CHST8: variants seen among roughly 807,000 people sequenced by gnomAD.
CHST8 encodes the protein GALNAC-4-ST1.
CHST8 carries 10 observed loss-of-function variants against 15.0 expected under a neutral mutation model. The observed-to-expected ratio is 0.67, with a 90% confidence interval of 0.41 to 1.13. CHST8 has a LOEUF of 1.13. Among genes scored for constraint, CHST8 ranks in the 50% most tolerant of loss-of-function variants. CHST8 has a pLI of 0.00. For missense variants in CHST8, 634 were observed against 608.2 expected (o/e 1.04, Z -0.45); for synonymous variants, 259 against 256.6 (o/e 1.01, Z -0.09).
chr19:33,661,648 G>A (rs1380988637), intron 1 of CHST8, among the ~76,000 whole-genome samples: 9 of 152,158 alleles, frequency 5.9e-5, no homozygotes, highest in African/African-American at 2.2e-4. Flanking sequence ...CCACTGCACG[G>A]GGGACCCTTG....
At chr19:33,648,466 T>C (rs1311514892) in intron 1 of CHST8, among the ~76,000 whole-genome samples, 1 of 152,216 alleles carries the variant, frequency 6.6e-6, no homozygotes, top group African/African-American at 2.4e-5. Flanking sequence ...GGACATTTCA[T>C]GTCAATTGAA....
chr19:33,650,285 G>T (rs1000646165), intron 1 of CHST8, among the ~76,000 whole-genome samples: 1 of 152,050 alleles, frequency 6.6e-6, no homozygotes. Flanking sequence ...CCAAGAGGGG[G>T]ACTGTTTATT....
At chr19:33,650,802 G>A (rs577019907) in intron 1 of CHST8, among the ~76,000 whole-genome samples, 17 of 151,214 alleles carry the variant, frequency 1.1e-4, no homozygotes, top group South Asian at 4.2e-4. Flanking sequence ...TTCGCCTCCC[G>A]GGTTCAAGCG....
intron 2 of CHST8, among the ~76,000 whole-genome samples, chr19:33,668,742 G>A (rs530034700): frequency 2.1e-4 from 32 of 152,196 alleles, no homozygotes; most frequent in African/African-American, 7.5e-4. Flanking sequence ...ATCTTTTCCT[G>A]GGGGTAGAGC....
rs1414471853 is a variant in CHST8, at chr19:33,716,587, C to T, written c.130+27196C>T. ...CTTACTCTGTTGCCCAGGCTGATCT[C>T]GAACTCCTGGGCTGAAGCGATCCTC... is the stretch of plus-strand genomic sequence containing the variant. On this transcript the variant is annotated intron_variant, in intron 3 of 4. Coordinates refer to ENST00000650847, the MANE Select transcript of CHST8 (RefSeq NM_001127895.2). 2.0e-5 allele frequency among the ~76,000 whole-genome samples: 3 copies of T among 152,092 alleles called. No individual in the cohort carries two copies. The East Asian group carries it at 5.8e-4, about 29-fold the overall frequency.
chr19:33,690,804 G>A (rs1568329617), intron 3 of CHST8, among the ~76,000 whole-genome samples: 1 of 152,344 alleles, frequency 6.6e-6, no homozygotes, highest in South Asian at 2.1e-4. Context: ...GGCAGAACAG[G>A]GCCCCTCGGG....
chr19:33,751,687 C>T (rs1467059335), intron 3 of CHST8, among the ~76,000 whole-genome samples: 1 of 152,214 alleles, frequency 6.6e-6, no homozygotes, highest in East Asian at 1.9e-4. Flanking sequence ...ACAGCTCGGG[C>T]CTGGACCCAC....
At chr19:33,688,128 G>A (rs369375407) in intron 2 of CHST8, among the ~76,000 whole-genome samples, 1 of 152,186 alleles carries the variant, frequency 6.6e-6, no homozygotes, top group Non-Finnish European at 1.5e-5. Context: ...GGGGTCCCTA[G>A]AGTGCCTGCC....
chr19:33,640,754 G>A (rs1409088927), intron 1 of CHST8, among the ~76,000 whole-genome samples: 3 of 152,174 alleles, frequency 2.0e-5, no homozygotes, highest in Non-Finnish European at 4.4e-5. Context: ...CCCTTCCTGG[G>A]TGGTCTTGCC....
At chr19:33,685,808 G>A (rs935367945) in intron 2 of CHST8, among the ~76,000 whole-genome samples, 7 of 152,258 alleles carry the variant, frequency 4.6e-5, no homozygotes, top group Admixed American at 1.3e-4. Flanking sequence ...AACAACGTGC[G>A]ACTTGGAAGC....
chr19:33,712,167 T>C (rs897279984), intron 3 of CHST8, among the ~76,000 whole-genome samples: 4 of 152,228 alleles, frequency 2.6e-5, no homozygotes. Context: ...GCCTCTGCAC[T>C]GACCCCTCCC....
At chr19:33,655,215 T>G (rs960635878) in intron 1 of CHST8, among the ~76,000 whole-genome samples, 12 of 152,160 alleles carry the variant, frequency 7.9e-5, no homozygotes, top group African/African-American at 2.9e-4. Flanking sequence ...TTTTGCATTT[T>G]TTGTAGAGAC....
intron 3 of CHST8, among the ~76,000 whole-genome samples, chr19:33,741,884 A>G (rs983654423): frequency 2.6e-5 from 4 of 151,930 alleles, no homozygotes; most frequent in Admixed American, 6.6e-5. Flanking sequence ...TGTCACATCT[A>G]TCTATTCGGA....
intron 3 of CHST8, among the ~76,000 whole-genome samples, chr19:33,720,930 G>T (rs1333759218): frequency 6.6e-6 from 1 of 152,284 alleles, no homozygotes; most frequent in Non-Finnish European, 1.5e-5. Context: ...TGGACGCAGG[G>T]AGGAGTGGTG....
At chr19:33,643,599 A>G (rs1017466766) in intron 1 of CHST8, among the ~76,000 whole-genome samples, 1 of 152,176 alleles carries the variant, frequency 6.6e-6, no homozygotes, top group African/African-American at 2.4e-5. Context: ...GCTGATTTTT[A>G]AATGCCACCT....
intron 3 of CHST8, among the ~76,000 whole-genome samples, chr19:33,701,442 G>A (rs1342426331): frequency 2.0e-5 from 3 of 152,082 alleles, no homozygotes; most frequent in Non-Finnish European, 4.4e-5. Context: ...ACATCACATC[G>A]CTGTAATCTG....
Position 33,701,577 on chromosome 19 carries a change from G to A in CHST8, c.130+12186G>A, listed in dbSNP as rs549204782. ...CATGTCCAATAAGAGTGAGACTTATGTTTTAAAAGGAACTACAGTAACATG... is the reference window on the plus strand; with the variant it reads ...CATGTCCAATAAGAGTGAGACTTATATTTTAAAAGGAACTACAGTAACATG... On this transcript the variant is annotated intron_variant, in intron 3 of 4. Transcript: ENST00000650847. Among the ~76,000 whole-genome samples the A allele has an allele frequency of 1.7e-4, 26 of 152,294 alleles. No homozygotes were observed. The East Asian group carries it at 5.0e-3, about 29-fold the overall frequency.
chr19:33,756,174 GTGA>G (rs1432618866), intron 3 of CHST8, among the ~76,000 whole-genome samples: 1 of 152,222 alleles, frequency 6.6e-6, no homozygotes, highest in Non-Finnish European at 1.5e-5. Context: ...CGTGAATACT[GTGA>G]TGATGGCCAA....
intron 3 of CHST8, among the ~76,000 whole-genome samples, chr19:33,698,872 G>A (rs1973275676): frequency 6.6e-6 from 1 of 152,092 alleles, no homozygotes; most frequent in South Asian, 2.1e-4. Flanking sequence ...TCCACTCACA[G>A]GTCGACACAC....
Sources: gnomAD v4.1 joint callset for allele counts (sites outside exome capture counted in the v4.1 genomes callset) on GRCh38, gnomAD v4.1.1 for gene constraint, MANE v1.5 for transcripts, NCBI Gene and HGNC (gene_info 2026-07-23, HGNC 2026-07-21) for gene names.